Variants in SULF1 observed in about 807,000 individuals in gnomAD.
The protein encoded by SULF1 is extracellular sulfatase Sulf-1.
Under a neutral mutation model 110.5 loss-of-function variants are expected in SULF1, and 46 were observed. The observed-to-expected ratio is 0.42, with a 90% confidence interval of 0.33 to 0.53. SULF1 has a LOEUF of 0.53. Ranked by LOEUF, SULF1 falls within the 20% of genes least tolerant of loss-of-function variation. SULF1 has a pLI of 0.12. For synonymous variants in SULF1, 371 were observed against 387.1 expected, an observed-to-expected ratio of 0.96 and a Z score of 0.49; for missense variants, 941 against 1,094.2, an observed-to-expected ratio of 0.86 and a Z score of 1.98.
chr8:69,536,152 G>A (rs969164978), intron 3 of SULF1, among the ~76,000 whole-genome samples: 10 of 152,120 alleles, frequency 6.6e-5, no homozygotes, highest in African/African-American at 2.4e-4. Flanking sequence ...TTACGCTCAG[G>A]TGTTTTGCGC....
chr8:69,543,482 T>A (rs1191421486), intron 3 of SULF1, among the ~76,000 whole-genome samples: 1 of 152,196 alleles, frequency 6.6e-6, no homozygotes, highest in African/African-American at 2.4e-5. Flanking sequence ...TGTTTTGTTT[T>A]CTGTTCCTGC....
chr8:69,600,460 C>T (rs533893555), intron 8 of SULF1, 143 bp from the exon 9 acceptor site: 22 of 723,014 alleles, frequency 3.0e-5, no homozygotes, highest in Admixed American at 6.0e-5. Context: ...CTTATAAATG[C>T]AAACAGAAGA....
At position 69,624,206 on chromosome 8, in the gene SULF1, G is replaced by T; in HGVS notation, c.1850+9G>T. The stretch of plus-strand genomic sequence containing the variant: ...GTCCGAGTGACACACAAGTAAGAAA[G>T]CTTTATTTGTTCACTAGGGTTGAGT... On this transcript the variant is annotated intron_variant, in intron 15 of 22. Coordinates refer to ENST00000402687, the MANE Select transcript of SULF1 (RefSeq NM_001128205.2). 6.4e-7 allele frequency: 1 copy of T among 1,557,174 alleles called. No individual in the cohort carries two copies. Among genetic ancestry groups the T allele is most frequent in the Non-Finnish European group, 8.7e-7 (1 of 1,151,568 alleles).
chr8:69,600,864 TGAGAGAGAAAGAAA>T, intron 9 of SULF1, 111 bp downstream of exon 9: 9 of 1,238,744 alleles, frequency 7.3e-6, no homozygotes, highest in Non-Finnish European at 1.0e-5. Context: ...AGCATCATTT[TGAGAGAGAAAGAAA>T]GAGAGAGAGT....
chr8:69,507,284 G>T (rs1441495867), intron 3 of SULF1, among the ~76,000 whole-genome samples: 1 of 152,194 alleles, frequency 6.6e-6, no homozygotes, highest in African/African-American at 2.4e-5. Flanking sequence ...TCAGTGGAAG[G>T]TTTCAGGAAG....
chr8:69,509,404 T>C (rs934511444), intron 3 of SULF1, among the ~76,000 whole-genome samples: 6 of 152,122 alleles, frequency 3.9e-5, no homozygotes, highest in African/African-American at 2.4e-5. Context: ...AAAAATAATA[T>C]AACAAAACAA....
chr8:69,576,173 T>A lies in SULF1; in HGVS notation c.376T>A (p.Phe126Ile), dbSNP rs1805597455. 1 of 1,614,052 alleles carries A rather than the reference T, an allele frequency of 6.2e-7. No individual in the cohort carries two copies. Among genetic ancestry groups the A allele is most frequent in the Non-Finnish European group, 8.5e-7 (1 of 1,180,036 alleles). ...SWQAMHEPRT[F>I]AVYLNNTGYR... ...GCAGGCCATGCATGAGCCTCGGACT[T>A]TTGCTGTATATCTTAACAACACTGG... The change falls in exon 6 of 23, where the codon TTT becomes ATT. Residue 126 changes from phenylalanine to isoleucine, a missense_variant. By Grantham distance (21) the Phe-to-Ile change is conservative. Transcript: ENST00000402687.
intron 15 of SULF1, among the ~76,000 whole-genome samples, chr8:69,626,829 C>A (rs1171000674): frequency 6.6e-6 from 1 of 152,240 alleles, no homozygotes; most frequent in South Asian, 2.1e-4. Flanking sequence ...CCGCAGGCAG[C>A]CCCGGTTCCC....
intron 13 of SULF1, 37 bp downstream of exon 13, chr8:69,604,969 G>A: frequency 6.2e-7 from 1 of 1,602,842 alleles, no homozygotes; most frequent in Non-Finnish European, 8.5e-7. Context: ...CCACTCATGT[G>A]CTTCTCCATC....
intron 22 of SULF1, among the ~76,000 whole-genome samples, chr8:69,657,796 G>T (rs1346342630): frequency 6.6e-6 from 1 of 152,198 alleles, no homozygotes; most frequent in Non-Finnish European, 1.5e-5. Flanking sequence ...GAGAACAAGT[G>T]TTATTTTCTG....
At chr8:69,568,877 A>G (rs962498418) in intron 5 of SULF1, among the ~76,000 whole-genome samples, 3 of 152,228 alleles carry the variant, frequency 2.0e-5, no homozygotes, top group African/African-American at 7.2e-5. Context: ...GAAAAAATAT[A>G]TATCTGAAAG....
chr8:69,469,997 G>A (rs12680468), intron 1 of SULF1, among the ~76,000 whole-genome samples: 20,233 of 152,104 alleles, frequency 0.13, 1,820 homozygotes, highest in East Asian at 0.49. Flanking sequence ...AGCCGAGATC[G>A]TGTCATTGCA....
chr8:69,578,349 TATTTTATTTTATTATTATTA>T (rs1219465630), intron 6 of SULF1, among the ~76,000 whole-genome samples: 2 of 152,154 alleles, frequency 1.3e-5, no homozygotes, highest in East Asian at 3.8e-4. Context: ...TTTGTTTATT[TATTTTATTTTATTATTATTA>T]TACTTTAAGT....
At chr8:69,572,469 G>A (rs558119564) in intron 5 of SULF1, among the ~76,000 whole-genome samples, 2 of 152,178 alleles carry the variant, frequency 1.3e-5, no homozygotes, top group South Asian at 4.1e-4. Flanking sequence ...AGAGTAAGTA[G>A]AAAATCGATG....
At chr8:69,574,475 C>T (rs1805459011) in intron 5 of SULF1, among the ~76,000 whole-genome samples, 1 of 152,156 alleles carries the variant, frequency 6.6e-6, no homozygotes, top group Admixed American at 6.5e-5. Context: ...TCTTATTAAG[C>T]CATCAATCCA....
chr8:69,471,189 C>G (rs1421698373), intron 1 of SULF1, among the ~76,000 whole-genome samples: 2 of 152,122 alleles, frequency 1.3e-5, no homozygotes, highest in South Asian at 2.1e-4. Context: ...TTATTCTGCT[C>G]TATAGTTTGC....
At chr8:69,488,881 A>G (rs73287663), upstream of SULF1, among the ~76,000 whole-genome samples, 4,979 of 152,094 alleles carry the variant, frequency 0.033, 236 homozygotes, top group African/African-American at 0.11. Flanking sequence ...TAACAAGAGA[A>G]TGCGGTGCCC....
chr8:69,644,117 G>A lies in SULF1; in HGVS notation c.2585+3276G>A, dbSNP rs112755651. On this transcript the variant is annotated intron_variant, in intron 22 of 22. Coordinates refer to ENST00000402687, the MANE Select transcript of SULF1 (RefSeq NM_001128205.2). The stretch of plus-strand genomic sequence containing the variant: ...ACAGAGCTCCACCCTCAGCAGCCAC[G>A]CTGTAACCACATTGCTTTCACTGAT... Among the ~76,000 whole-genome samples the A allele has an allele frequency of 6.7e-3, 1,024 of 152,284 alleles. 14 individuals carry two copies. The highest frequency in any genetic ancestry group is 0.024 in the African/African-American group (984 of 41,544).
chr8:69,489,712 G>C (rs1426042350), upstream of SULF1, among the ~76,000 whole-genome samples: 2 of 151,662 alleles, frequency 1.3e-5, no homozygotes, highest in Non-Finnish European at 2.9e-5. Context: ...AAGTAGCTGG[G>C]ACTACAGGTG....
Sources: gnomAD v4.1 joint callset for allele counts (sites outside exome capture counted in the v4.1 genomes callset) on GRCh38, gnomAD v4.1.1 for gene constraint, MANE v1.5 for transcripts, NCBI Gene and HGNC (gene_info 2026-07-23, HGNC 2026-07-21) for gene names.